Variants in ZNF729 observed in about 807,000 individuals in gnomAD.
ZNF729 encodes the protein zinc finger protein 729.
ZNF729 carries 15 observed loss-of-function variants against 12.2 expected under a neutral mutation model. That is an observed-to-expected ratio of 1.23 (90% CI 0.82 to 1.89). The LOEUF (loss-of-function observed/expected upper bound fraction) is 1.89, where lower values mean the gene tolerates loss of function less well. Ranked by LOEUF, ZNF729 falls within the 40% of genes most tolerant of loss-of-function variation. ZNF729 has a pLI of 0.00. For missense variants in ZNF729, 1,540 were observed against 1,456.7 expected, an observed-to-expected ratio of 1.06 and a Z score of -0.93; for synonymous variants, 492 against 476.3, an observed-to-expected ratio of 1.03 and a Z score of -0.43.
At chr19:22,304,863 C>CT (rs1968359980) in intron 3 of ZNF729, 80 bp downstream of exon 3, 14 of 1,413,376 alleles carry the variant, frequency 9.9e-6, no homozygotes, top group Non-Finnish European at 1.3e-5. Context: ...AAAATGTGAC[C>CT]TGAGAAGCTG....
intron 3 of ZNF729, among the ~76,000 whole-genome samples, chr19:22,307,883 T>C (rs748098599): frequency 1.3e-5 from 2 of 148,846 alleles, no homozygotes; most frequent in Admixed American, 6.7e-5. Context: ...CTTAAGTTAT[T>C]GGGGTACAAG....
Position 22,314,162 on chromosome 19 carries a change from TC to T in ZNF729, c.746del (p.Ser249Ter). ...ATGTGGCAATGCCTTTAAATTTTCT[TC>T]AACGTTCACTAAACATAAGAGAATT... ...KKCGNAFKFS[S>X]TFTKHKRIHT... On this transcript the variant is annotated frameshift_variant, in exon 4 of 4. Transcript: ENST00000601693. LOFTEE classifies it low-confidence loss of function (END_TRUNC). 6.4e-7 allele frequency: 1 copy of T among 1,569,220 alleles called. No homozygotes were observed. Among genetic ancestry groups the T allele is most frequent in the Non-Finnish European group, 8.6e-7 (1 of 1,158,340 alleles).
chr19:22,293,070 T>C (rs1417090224), intron 1 of ZNF729, among the ~76,000 whole-genome samples: 1 of 152,232 alleles, frequency 6.6e-6, no homozygotes, highest in African/African-American at 2.4e-5. Context: ...TGGTGTGAGA[T>C]GGAATCTGGT....
At chr19:22,299,530 A>G (rs895271894) in intron 1 of ZNF729, 3 of 152,270 alleles carry the variant, frequency 2.0e-5, no homozygotes, top group African/African-American at 7.2e-5. Flanking sequence ...TGCCCGGCCT[A>G]AACTGAGTTT....
At position 22,313,256 on chromosome 19, in the gene ZNF729, T is replaced by A. The variant is rs1968473331; in HGVS notation, c.254-415T>A. On this transcript the variant is annotated intron_variant, in intron 3 of 3. Coordinates refer to ENST00000601693, the MANE Select transcript of ZNF729 (RefSeq NM_001242680.2). ...TAGTAGAGATGAAGTTTTTCCATTTTGACCAGGCTGGTCTTGAACTCTTGA... is the reference window on the plus strand; with the variant it reads ...TAGTAGAGATGAAGTTTTTCCATTTAGACCAGGCTGGTCTTGAACTCTTGA... Among the ~76,000 whole-genome samples, 10 of 152,156 alleles carry A rather than the reference T, an allele frequency of 6.6e-5. No individual in the cohort carries two copies. In the South Asian group the frequency reaches 2.1e-3, roughly 32 times the overall value.
intron 1 of ZNF729, among the ~76,000 whole-genome samples, chr19:22,293,116 A>G (rs1214189699): frequency 1.3e-5 from 2 of 151,924 alleles, no homozygotes; most frequent in Non-Finnish European, 2.9e-5. Context: ...AGTGATGAGT[A>G]TTTTTTTCAT....
At chr19:22,290,952 TGAA>T (rs907331018) in intron 1 of ZNF729, among the ~76,000 whole-genome samples, 6 of 152,098 alleles carry the variant, frequency 3.9e-5, no homozygotes, top group African/African-American at 1.4e-4. Flanking sequence ...TTATTGAACT[TGAA>T]GAAGGTTATG....
chr19:22,286,584 A>G, intron 1 of ZNF729, 29 bp downstream of exon 1: 1 of 1,613,520 alleles, frequency 6.2e-7, no homozygotes, highest in Non-Finnish European at 8.5e-7. Context: ...ACATCCCGAG[A>G]AGGGGAAGGG....
Position 22,286,514 on chromosome 19 carries a change from T to G in ZNF729, c.-12T>G. On this transcript the variant is annotated 5_prime_UTR_variant, in exon 1 of 4. Transcript: ENST00000601693. ...CCCTGTAACCTGCGGCATTGGAAGA[T>G]CCACAGCTAACATGCCAGGTGCCCC... is the stretch of plus-strand genomic sequence containing the variant. 6.2e-7 allele frequency: 1 copy of G among 1,613,292 alleles called. No individual in the cohort carries two copies. The highest frequency in any genetic ancestry group is 8.5e-7 in the Non-Finnish European group (1 of 1,179,920).
chr19:22,306,559 G>A (rs114352553), intron 3 of ZNF729, among the ~76,000 whole-genome samples: 3,003 of 144,418 alleles, frequency 0.021, 99 homozygotes, highest in African/African-American at 0.072. Flanking sequence ...GTTTAATTTT[G>A]TAGTGGCACG....
chr19:22,313,981 AT>A lies in ZNF729; in HGVS notation c.569del (p.Phe190SerfsTer6). ...TCAAATGTATAAAATGTAGCAAATC[AT>A]TTTTCATGCTTTCATGCTTAATTCG... is the stretch of plus-strand genomic sequence containing the variant. The part of the protein sequence containing the change: ...TFKCIKCSKS[F>X]FMLSCLIRHK... On this transcript the variant is annotated frameshift_variant, in exon 4 of 4. Transcript: ENST00000601693. LOFTEE classifies it low-confidence loss of function (END_TRUNC). 1 of 1,540,120 alleles carries A rather than the reference AT, an allele frequency of 6.5e-7. No homozygotes were observed. Among genetic ancestry groups the A allele is most frequent in the Non-Finnish European group, 8.7e-7 (1 of 1,145,944 alleles).
At chr19:22,294,784 A>G (rs562177291) in intron 1 of ZNF729, among the ~76,000 whole-genome samples, 29 of 151,174 alleles carry the variant, frequency 1.9e-4, no homozygotes, top group African/African-American at 7.0e-4. Flanking sequence ...AGCCTCCTGA[A>G]TAGCTGGGAT....
In ZNF729 at chr19:22,313,856, A is replaced by C. The variant is rs761379170; in HGVS notation, c.439A>C (p.Thr147Pro). Residue 147 changes from threonine to proline, a missense_variant, in exon 4 of 4, where the codon ACA (threonine) becomes CCA (proline). Transcript: ENST00000601693. ...TTATAATAAACTTAACCAATGCAGG[A>C]CAGCTACCCAGAGAAAAATATTTCA... Reference protein sequence around the residue: ...EGYNKLNQCRTATQRKIFQCN... With the variant: ...EGYNKLNQCRPATQRKIFQCN... The C allele has an allele frequency of 1.9e-5, 29 of 1,565,388 alleles. No homozygotes were observed. Among genetic ancestry groups the C allele is most frequent in the African/African-American group, 2.7e-5 (2 of 73,732 alleles).
chr19:22,295,038 T>TTTTGTG (rs377438567), intron 1 of ZNF729, among the ~76,000 whole-genome samples: 6 of 144,024 alleles, frequency 4.2e-5, no homozygotes, highest in African/African-American at 1.3e-4. Context: ...TCCTAGATAT[T>TTTTGTG]TGTGTGTGTG....
At chr19:22,299,256 A>C (rs1968272376) in intron 1 of ZNF729, 3 of 152,078 alleles carry the variant, frequency 2.0e-5, no homozygotes, top group Admixed American at 1.3e-4. Context: ...TTGAGATAGA[A>C]TCTCACTCTG....
intron 1 of ZNF729, among the ~76,000 whole-genome samples, chr19:22,302,665 T>C (rs1303591221): frequency 1.3e-5 from 2 of 152,292 alleles, no homozygotes; most frequent in African/African-American, 2.4e-5. Context: ...GCACTCCCAG[T>C]AGCATAGAGA....
Position 22,314,791 on chromosome 19 carries a change from A to C in ZNF729, c.1374A>C (p.Lys458Asn). ...MKHKIIHTGE[K>N]PYKCEECGKA... is the part of the protein sequence containing the mutation. ...ATAAGATAATTCATACTGGGGAGAA[A>C]CCATACAAATGTGAAGAATGTGGCA... Residue 458 changes from lysine (K) to asparagine (N), a missense_variant, in exon 4 of 4, where the codon AAA (lysine) becomes AAC (asparagine). Coordinates refer to ENST00000601693, the MANE Select transcript of ZNF729 (RefSeq NM_001242680.2). The C allele has an allele frequency of 1.2e-6, 2 of 1,613,836 alleles. No individual in the cohort carries two copies. The highest frequency in any genetic ancestry group is 2.2e-5 in the South Asian group (2 of 91,060).
intron 3 of ZNF729, among the ~76,000 whole-genome samples, chr19:22,312,636 C>G (rs1397639054): frequency 2.0e-5 from 3 of 152,092 alleles, no homozygotes; most frequent in Non-Finnish European, 2.9e-5. Flanking sequence ...TTTCTTTCAG[C>G]ACTTTATGTC....
At position 22,314,703 on chromosome 19, in the gene ZNF729, A is replaced by G. The variant is rs574688014; in HGVS notation, c.1286A>G (p.Lys429Arg). The G allele has an allele frequency of 3.9e-5, 63 of 1,613,158 alleles. No individual in the cohort carries two copies. Among genetic ancestry groups the G allele is most frequent in the Non-Finnish European group, 5.1e-5 (60 of 1,179,880 alleles). Residue 429 changes from lysine (K) to arginine (R), a missense_variant, in exon 4 of 4, where the codon AAG becomes AGG. Physicochemically the swap from Lys to Arg is conservative, Grantham distance 26. Transcript: ENST00000601693. ...LKKHKIIHTG[K>R]KPYKCEECGK... The stretch of plus-strand genomic sequence containing the variant: ...AAACATAAGATAATTCATACTGGAA[A>G]GAAACCCTACAAATGTGAAGAATGT...
Sources: gnomAD v4.1 joint callset for allele counts (sites outside exome capture counted in the v4.1 genomes callset) on GRCh38, gnomAD v4.1.1 for gene constraint, MANE v1.5 for transcripts, NCBI Gene and HGNC (gene_info 2026-07-23, HGNC 2026-07-21) for gene names.